DPP10: variants seen among roughly 807,000 people sequenced by gnomAD.
DPP10 encodes the protein inactive dipeptidyl peptidase 10.
A neutral mutation model predicts 120.9 loss-of-function variants in DPP10; 33 were observed. The ratio of observed to expected loss-of-function variants is 0.27; its 90% CI spans 0.21 to 0.37. The LOEUF is 0.37. Ranked by LOEUF, DPP10 falls within the 10% of genes least tolerant of loss-of-function variation. DPP10 has a pLI of 1.00. For synonymous variants in DPP10, 337 were observed against 326.1 expected, an observed-to-expected ratio of 1.03 and a Z score of -0.36; for missense variants, 816 against 942.8, an observed-to-expected ratio of 0.87 and a Z score of 1.76.
chr2:115,058,665 T>G (rs1189255287), intron 1 of DPP10, among the ~76,000 whole-genome samples: 1 of 152,244 alleles, frequency 6.6e-6, no homozygotes, highest in Non-Finnish European at 1.5e-5. Context: ...CCTCCCAAAG[T>G]GCAGGGATTA....
At chr2:114,558,972 A>G (rs1330343584) in intron 1 of DPP10, among the ~76,000 whole-genome samples, 9 of 152,202 alleles carry the variant, frequency 5.9e-5, no homozygotes, top group Admixed American at 2.0e-4. Flanking sequence ...ATGCCCAAGT[A>G]TATCTCCATG....
chr2:114,902,154 CT>C (rs1260190279), intron 1 of DPP10, among the ~76,000 whole-genome samples: 1 of 152,182 alleles, frequency 6.6e-6, no homozygotes, highest in African/African-American at 2.4e-5. Flanking sequence ...TTTTCTGAGA[CT>C]TTTTGATGGA....
intron 5 of DPP10, among the ~76,000 whole-genome samples, chr2:115,551,442 G>C (rs2079867240): frequency 6.6e-6 from 1 of 152,118 alleles, no homozygotes; most frequent in Non-Finnish European, 1.5e-5. Context: ...TACAGCTGTG[G>C]CTATGGATTC....
intron 8 of DPP10, among the ~76,000 whole-genome samples, chr2:115,730,445 C>T (rs986562742): frequency 6.6e-6 from 1 of 152,040 alleles, no homozygotes; most frequent in African/African-American, 2.4e-5. Flanking sequence ...AGATTAGCAG[C>T]AATGCGGGCA....
chr2:115,271,112 A>G (rs2059683122), intron 1 of DPP10, among the ~76,000 whole-genome samples: 1 of 152,244 alleles, frequency 6.6e-6, no homozygotes, highest in Non-Finnish European at 1.5e-5. Context: ...GGGAATTTGC[A>G]TTTAGGTATG....
intron 1 of DPP10, among the ~76,000 whole-genome samples, chr2:114,672,910 A>G (rs1201405915): frequency 1.3e-5 from 2 of 152,026 alleles, no homozygotes; most frequent in East Asian, 3.9e-4. Context: ...TGGTTCTGGG[A>G]TATTGCTAAC....
intron 1 of DPP10, among the ~76,000 whole-genome samples, chr2:114,751,970 A>G (rs1046092458): frequency 1.3e-5 from 2 of 152,168 alleles, no homozygotes; most frequent in African/African-American, 2.4e-5. Context: ...AATTTCTAAG[A>G]AGCTCCCAGG....
At chr2:115,093,715 T>C (rs1027194121) in intron 1 of DPP10, among the ~76,000 whole-genome samples, 3 of 152,070 alleles carry the variant, frequency 2.0e-5, no homozygotes, top group Non-Finnish European at 4.4e-5. Context: ...ATTAATTATA[T>C]ACATATATGC....
intron 5 of DPP10, among the ~76,000 whole-genome samples, chr2:115,633,191 C>A (rs1004972500): frequency 3.9e-4 from 60 of 152,234 alleles, no homozygotes; most frequent in Non-Finnish European, 7.6e-4. Flanking sequence ...CAAATGTCCA[C>A]CAATGATAGA....
At chr2:114,642,771 C>T (rs563450864) in intron 1 of DPP10, among the ~76,000 whole-genome samples, 2 of 151,866 alleles carry the variant, frequency 1.3e-5, no homozygotes, top group South Asian at 2.1e-4. Context: ...AACTGCTTAA[C>T]ACAGAAATCA....
chr2:114,846,929 GT>G (rs1270011694), intron 1 of DPP10, among the ~76,000 whole-genome samples: 1 of 152,112 alleles, frequency 6.6e-6, no homozygotes, highest in Non-Finnish European at 1.5e-5. Context: ...AAATCTGATT[GT>G]GCAATTCCCT....
intron 12 of DPP10, among the ~76,000 whole-genome samples, chr2:115,766,354 ATC>A: frequency 7.4e-6 from 1 of 134,678 alleles, no homozygotes; most frequent in Non-Finnish European, 1.6e-5. Context: ...ATATATATAT[ATC>A]ACTCTATCCA....
At chr2:114,800,656 C>A (rs1286185457) in intron 1 of DPP10, among the ~76,000 whole-genome samples, 1 of 152,156 alleles carries the variant, frequency 6.6e-6, no homozygotes, top group Non-Finnish European at 1.5e-5. Context: ...ATTTTGCCAG[C>A]CTGATCAGAT....
intron 7 of DPP10, among the ~76,000 whole-genome samples, chr2:115,721,120 A>C (rs2092639050): frequency 6.6e-6 from 1 of 152,212 alleles, no homozygotes; most frequent in African/African-American, 2.4e-5. Flanking sequence ...ATTCACAAAC[A>C]TTTTAGGCAT....
At chr2:115,702,747 G>A (rs1203993889) in intron 7 of DPP10, among the ~76,000 whole-genome samples, 2 of 152,070 alleles carry the variant, frequency 1.3e-5, no homozygotes, top group Non-Finnish European at 2.9e-5. Flanking sequence ...TTCTTTTTGA[G>A]ATAATGCAAA....
intron 1 of DPP10, among the ~76,000 whole-genome samples, chr2:115,059,505 A>G (rs915695941): frequency 1.3e-4 from 20 of 152,072 alleles, no homozygotes; most frequent in Admixed American, 9.2e-4. Flanking sequence ...GACACATGGT[A>G]TGCTGTTCTG....
At chr2:115,800,211 C>T (rs368104906) in intron 19 of DPP10, among the ~76,000 whole-genome samples, 108 of 151,834 alleles carry the variant, frequency 7.1e-4, no homozygotes, top group African/African-American at 2.3e-3. Context: ...TTTCATGTGT[C>T]TTTTGGCTGC....
chr2:115,691,457 C>T (rs1349327333), intron 7 of DPP10, among the ~76,000 whole-genome samples: 3 of 152,200 alleles, frequency 2.0e-5, no homozygotes, highest in African/African-American at 7.2e-5. Flanking sequence ...TGTCCTGAAA[C>T]CTTTTGTTGA....
At chr2:115,250,499 T>C (rs1343818753) in intron 1 of DPP10, among the ~76,000 whole-genome samples, 1 of 152,114 alleles carries the variant, frequency 6.6e-6, no homozygotes, top group African/African-American at 2.4e-5. Flanking sequence ...GGGTGGTACA[T>C]GTAGGGAATA....
Sources: allele counts gnomAD v4.1 joint callset (sites outside exome capture counted in the v4.1 genomes callset), GRCh38; gene constraint gnomAD v4.1.1; transcripts MANE v1.5; gene names NCBI Gene and HGNC (gene_info 2026-07-23, HGNC 2026-07-21).